PCLO: variants seen among roughly 807,000 people sequenced by gnomAD.
PCLO encodes the protein piccolo presynaptic cytomatrix protein.
A neutral mutation model predicts 427.5 loss-of-function variants in PCLO; 82 were observed. The observed-to-expected ratio is 0.19, with a 90% CI of 0.16 to 0.23. The LOEUF is 0.23. Ranked by LOEUF, PCLO falls within the 10% of genes least tolerant of loss-of-function variation. The pLI is 1.00. For synonymous variants in PCLO, 2,357 were observed against 2,155.4 expected (o/e 1.09, Z -2.59); for missense variants, 6,239 against 6,115.9 (o/e 1.02, Z -0.67).
At position 82,916,568 on chromosome 7, in the gene PCLO, G is replaced by C. The variant is rs535888963; in HGVS notation, c.11418C>G (p.Asn3806Lys). The C allele has an allele frequency of 6.2e-7, 1 of 1,613,482 alleles. No homozygotes were observed. Among genetic ancestry groups the C allele is most frequent in the Non-Finnish European group, 8.5e-7 (1 of 1,179,728 alleles). Residue 3806 changes from asparagine to lysine, a missense_variant, in exon 7 of 25, where the codon AAC (asparagine) becomes AAG (lysine). By Grantham distance (94) the Asn-to-Lys change is moderately conservative. Around this residue, in one of 5 missense-constraint regions of PCLO, gnomAD observed 3 missense variants for 25.1 expected, o/e 0.12. Transcript: ENST00000333891. ...CCTTTAATAGGGCCTCTTTCCTCCT[G>C]TTAATTCCCATTTCCAGGTATCGTA... ...AKLRYLEMGI[N>K]RRKEALLKER...
chr7:82,967,250 G>A (rs1257668544), intron 3 of PCLO, among the ~76,000 whole-genome samples: 6 of 141,108 alleles, frequency 4.3e-5, no homozygotes, highest in South Asian at 2.2e-4. Flanking sequence ...ATCTCGGCTC[G>A]CTGCAACCTC....
chr7:83,094,451 C>T (rs1790480524), intron 3 of PCLO, among the ~76,000 whole-genome samples: 1 of 152,108 alleles, frequency 6.6e-6, no homozygotes, highest in Non-Finnish European at 1.5e-5. Flanking sequence ...TCGTGATCCG[C>T]CTGCCTCGGC....
intron 3 of PCLO, among the ~76,000 whole-genome samples, chr7:83,111,728 T>C (rs945329252): frequency 2.0e-5 from 3 of 152,220 alleles, no homozygotes; most frequent in Non-Finnish European, 4.4e-5. Flanking sequence ...GAACTTCTGA[T>C]CTATAAAACT....
chr7:82,828,044 C>A, intron 16 of PCLO, 78 bp from the exon 17 acceptor site: 1 of 746,756 alleles, frequency 1.3e-6, no homozygotes, highest in African/African-American at 1.8e-5. Context: ...AAAGGACATG[C>A]AGACTATTCA....
chr7:82,897,851 T>C (rs1488445538), intron 9 of PCLO, among the ~76,000 whole-genome samples: 1 of 151,456 alleles, frequency 6.6e-6, no homozygotes, highest in African/African-American at 2.4e-5. Flanking sequence ...CAGCAGTGGC[T>C]TTCAAACTTT....
At chr7:83,074,035 A>G (rs1789886743) in intron 3 of PCLO, among the ~76,000 whole-genome samples, 1 of 152,026 alleles carries the variant, frequency 6.6e-6, no homozygotes, top group Non-Finnish European at 1.5e-5. Context: ...TTAAACACAT[A>G]TAATTGTGGA....
Position 83,155,321 on chromosome 7 carries a change from T to C in PCLO, c.1320A>G (p.Pro440=). 6.2e-7 allele frequency: 1 copy of C among 1,613,948 alleles called. No individual in the cohort carries two copies. Among genetic ancestry groups the C allele is most frequent in the Non-Finnish European group, 8.5e-7 (1 of 1,179,872 alleles). ...PAKAPGPTKT[P]VQQPGPGKIP... The stretch of plus-strand genomic sequence containing the variant: ...TCTTTCCTGGCCCAGGCTGCTGAAC[T>C]GGAGTCTTTGTAGGCCCAGGTGCCT... The change falls in exon 2 of 25, where the codon CCA becomes CCG. Residue 440 remains proline, a synonymous_variant. Transcript: ENST00000333891.
intron 22 of PCLO, among the ~76,000 whole-genome samples, chr7:82,797,696 G>A (rs1034692525): frequency 1.3e-5 from 2 of 152,050 alleles, no homozygotes; most frequent in Non-Finnish European, 2.9e-5. Flanking sequence ...ATTAAATTGT[G>A]GAAATTCAAT....
At chr7:83,087,798 C>T (rs1790275935) in intron 3 of PCLO, among the ~76,000 whole-genome samples, 3 of 151,894 alleles carry the variant, frequency 2.0e-5, no homozygotes, top group African/African-American at 7.3e-5. Flanking sequence ...ATGTATTATG[C>T]TCAAAAAATA....
chr7:82,865,020 G>T (rs374706438), intron 10 of PCLO, among the ~76,000 whole-genome samples: 29 of 151,984 alleles, frequency 1.9e-4, no homozygotes, highest in African/African-American at 7.0e-4. Context: ...ATTCACCTTT[G>T]TTCTCATAAA....
chr7:82,815,442 A>C (rs2115597833), intron 20 of PCLO, among the ~76,000 whole-genome samples: 1 of 152,162 alleles, frequency 6.6e-6, no homozygotes, highest in Non-Finnish European at 1.5e-5. Context: ...ATATAGAAAG[A>C]CATTTGAATT....
chr7:82,800,820 C>T (rs374674825), intron 22 of PCLO, among the ~76,000 whole-genome samples: 2 of 151,848 alleles, frequency 1.3e-5, no homozygotes, highest in African/African-American at 4.8e-5. Context: ...CTCCTGACCT[C>T]GTGATCTGCC....
At chr7:82,947,593 A>G (rs1249829463) in intron 6 of PCLO, among the ~76,000 whole-genome samples, 1 of 152,200 alleles carries the variant, frequency 6.6e-6, no homozygotes, top group Non-Finnish European at 1.5e-5. Context: ...CTACCTGTGC[A>G]TGTAATAAGA....
At chr7:82,974,574 G>T (rs770929789) in intron 3 of PCLO, among the ~76,000 whole-genome samples, 3 of 152,078 alleles carry the variant, frequency 2.0e-5, no homozygotes, top group Non-Finnish European at 2.9e-5. Context: ...TTATCTATGG[G>T]TTCATAGCAT....
At chr7:83,032,848 G>C (rs1788705806) in intron 3 of PCLO, among the ~76,000 whole-genome samples, 1 of 152,116 alleles carries the variant, frequency 6.6e-6, no homozygotes, top group Admixed American at 6.6e-5. Flanking sequence ...GGGTGACAAT[G>C]AAGTACAAGG....
chr7:83,078,527 T>TTATTATTATTATTATTATTATTAC (rs1187403731), intron 3 of PCLO, among the ~76,000 whole-genome samples: 1 of 151,496 alleles, frequency 6.6e-6, no homozygotes, highest in Non-Finnish European at 1.5e-5. Context: ...AGCATTATTA[T>TTATTATTATTATTATTATTATTAC]TATTACTATT....
intron 7 of PCLO, among the ~76,000 whole-genome samples, chr7:82,909,473 C>A (rs1398052471): frequency 6.6e-6 from 1 of 151,930 alleles, no homozygotes; most frequent in African/African-American, 2.4e-5. Flanking sequence ...CACTATGGCA[C>A]ATGTATACCT....
At chr7:82,991,006 T>C (rs2115840477) in intron 3 of PCLO, among the ~76,000 whole-genome samples, 1 of 152,232 alleles carries the variant, frequency 6.6e-6, no homozygotes, top group Admixed American at 6.6e-5. Context: ...TTTACTCAAG[T>C]TCAGTAAAAA....
At chr7:83,123,277 C>T (rs908237747) in intron 3 of PCLO, among the ~76,000 whole-genome samples, 2 of 152,050 alleles carry the variant, frequency 1.3e-5, no homozygotes, top group Admixed American at 6.6e-5. Flanking sequence ...AAAGTAGACC[C>T]GTGGACCAAT....
Sources: allele counts gnomAD v4.1 joint callset (sites outside exome capture counted in the v4.1 genomes callset), GRCh38; gene constraint gnomAD v4.1.1; regional missense constraint gnomAD v4.1.1; transcripts MANE v1.5; gene names NCBI Gene and HGNC (gene_info 2026-07-23, HGNC 2026-07-21).